TMOD3: variants seen among roughly 807,000 people sequenced by gnomAD.
TMOD3 encodes tropomodulin-3.
Under a neutral mutation model 39.2 loss-of-function variants are expected in TMOD3, and 20 were observed. The observed-to-expected ratio is 0.51, with a 90% CI of 0.36 to 0.74. The LOEUF (loss-of-function observed/expected upper bound fraction) is 0.74. Ranked by LOEUF, TMOD3 falls within the 30% of genes least tolerant of loss-of-function variation. The pLI is 0.00. For missense variants in TMOD3, 381 were observed against 412.8 expected (o/e 0.92, Z 0.67); for synonymous variants, 143 against 145.8 (o/e 0.98, Z 0.14).
intron 1 of TMOD3, among the ~76,000 whole-genome samples, chr15:51,846,341 A>T (rs2056335971): frequency 6.6e-6 from 1 of 152,120 alleles, no homozygotes; most frequent in Non-Finnish European, 1.5e-5. Context: ...AACAAAACAA[A>T]ACAAAAAACA....
chr15:51,831,832 C>A (rs2056256827), intron 1 of TMOD3, among the ~76,000 whole-genome samples: 1 of 151,866 alleles, frequency 6.6e-6, no homozygotes, highest in Admixed American at 6.6e-5. Context: ...ATGTGTCTTG[C>A]CCCATTCTGT....
At chr15:51,905,525 T>C (rs535812928) in intron 9 of TMOD3, among the ~76,000 whole-genome samples, 2 of 149,710 alleles carry the variant, frequency 1.3e-5, no homozygotes, top group Admixed American at 1.3e-4. Flanking sequence ...TAAGAGGGAG[T>C]GTTGGTAGAA....
rs570158959 is a variant in TMOD3, at chr15:51,904,674, T to C, written c.1024+2638T>C. ...CTTTGCAAGGCTTCAGCAGTTGTGCTTTTTTGTGAAGACTGTTTTGGTAGA... is the reference window on the plus strand; with the variant it reads ...CTTTGCAAGGCTTCAGCAGTTGTGCCTTTTTGTGAAGACTGTTTTGGTAGA... On this transcript the variant is annotated intron_variant, in intron 9 of 9. Transcript: ENST00000308580. Among the ~76,000 whole-genome samples, 18 of 152,302 alleles carry C rather than the reference T, an allele frequency of 1.2e-4. No individual in the cohort carries two copies. In the East Asian group the frequency reaches 3.5e-3, roughly 29 times the overall value.
At chr15:51,865,958 C>G (rs2554332) in intron 2 of TMOD3, among the ~76,000 whole-genome samples, 82,758 of 151,878 alleles carry the variant, frequency 0.54, 22,775 homozygotes, top group South Asian at 0.65. Flanking sequence ...TTTTTTCCCC[C>G]CCAAGGCTAG....
chr15:51,872,204 G>A (rs996060820), intron 3 of TMOD3, among the ~76,000 whole-genome samples: 1 of 152,136 alleles, frequency 6.6e-6, no homozygotes, highest in Non-Finnish European at 1.5e-5. Context: ...AGACCAGCCT[G>A]GCCAACATGG....
chr15:51,844,134 C>T (rs535133919), intron 1 of TMOD3, among the ~76,000 whole-genome samples: 1 of 152,230 alleles, frequency 6.6e-6, no homozygotes, highest in South Asian at 2.1e-4. Flanking sequence ...CTCCTGGGGT[C>T]CTCCTGGATA....
Position 51,893,940 on chromosome 15 carries a change from A to G in TMOD3, c.622A>G (p.Ile208Val), listed in dbSNP as rs375002752. Residue 208 changes from isoleucine (I) to valine (V), a missense_variant, in exon 6 of 10, where the codon ATA becomes GTA. Physicochemically the swap from Ile to Val is conservative, Grantham distance 29. Transcript: ENST00000308580. ...TCTTGTTGAAGTTAATTTGAATAAT[A>G]TAAAGGTAAGTGTGCTAATCAGAGT... The part of the protein sequence containing the change: ...AHLVEVNLNN[I>V]KNIPIPTLKD... 2 of 1,602,872 alleles carry G rather than the reference A, an allele frequency of 1.2e-6. No homozygotes were observed. Among genetic ancestry groups the G allele is most frequent in the Non-Finnish European group, 1.7e-6 (2 of 1,172,620 alleles).
rs1174940105 is a variant in TMOD3, at chr15:51,910,678, T to G, written c.*1868T>G. On this transcript the variant is annotated 3_prime_UTR_variant, in exon 10 of 10. Coordinates refer to ENST00000308580, the MANE Select transcript of TMOD3 (RefSeq NM_014547.5). Reference sequence around the variant, plus strand: ...ATCTAATAAGCAAGGCAGCTTCTTGTGTGCTATGGTAATAAGCCTTCTTAA... The same window carrying G: ...ATCTAATAAGCAAGGCAGCTTCTTGGGTGCTATGGTAATAAGCCTTCTTAA... The G allele has an allele frequency of 6.6e-6, 1 of 152,192 alleles. No individual in the cohort carries two copies. Among genetic ancestry groups the G allele is most frequent in the African/African-American group, 2.4e-5 (1 of 41,464 alleles). 9.4% of individuals were successfully genotyped at this position (152,192 alleles called of 1,614,324 possible).
At chr15:51,860,946 CAA>C (rs1456627210) in intron 1 of TMOD3, 1 of 477,778 alleles carries the variant, frequency 2.1e-6, no homozygotes, top group Non-Finnish European at 4.1e-6. Context: ...AAAAAACAAA[CAA>C]AAACCTACAT....
chr15:51,834,141 A>G (rs1307425080), intron 1 of TMOD3, among the ~76,000 whole-genome samples: 63 of 151,618 alleles, frequency 4.2e-4, no homozygotes, highest in Admixed American at 3.9e-3. Flanking sequence ...TCATCTTTTT[A>G]TTGTTTGTAG....
intron 3 of TMOD3, among the ~76,000 whole-genome samples, chr15:51,875,808 C>G (rs1039636553): frequency 4.0e-5 from 6 of 151,838 alleles, no homozygotes; most frequent in Admixed American, 3.9e-4. Flanking sequence ...TTAGTAGAGA[C>G]AGGGTTTCAC....
chr15:51,880,266 G>T (rs922297250), intron 3 of TMOD3, among the ~76,000 whole-genome samples: 5 of 151,890 alleles, frequency 3.3e-5, no homozygotes, highest in Admixed American at 3.3e-4. Flanking sequence ...ATTTACTGAA[G>T]ACCAAAAAAC....
chr15:51,893,371 G>T (rs1595909037), intron 5 of TMOD3, among the ~76,000 whole-genome samples: 1 of 150,236 alleles, frequency 6.7e-6, no homozygotes, highest in African/African-American at 2.4e-5. Flanking sequence ...TTTCGGAATT[G>T]TGGGGATGGA....
Position 51,908,915 on chromosome 15 carries a change from AT to A in TMOD3, c.*112del. The A allele has an allele frequency of 1.2e-5, 11 of 883,954 alleles. No homozygotes were observed. Among genetic ancestry groups the A allele is most frequent in the Admixed American group, 6.3e-5 (2 of 31,720 alleles). 54.8% of individuals were successfully genotyped at this position (883,954 alleles called of 1,614,324 possible). ...GGGTAGAAGGGAAAAGACTGGAAAA[AT>A]TTTTTTAGTGACATGCATTTTTTTT... On this transcript the variant is annotated 3_prime_UTR_variant, in exon 10 of 10. Coordinates refer to ENST00000308580, the MANE Select transcript of TMOD3 (RefSeq NM_014547.5).
chr15:51,897,630 A>C (rs1244890315), intron 7 of TMOD3, among the ~76,000 whole-genome samples: 1 of 151,072 alleles, frequency 6.6e-6, no homozygotes, highest in East Asian at 1.9e-4. Flanking sequence ...GATTACAGGC[A>C]TGCGCCACCA....
At chr15:51,882,083 C>T (rs1415900278) in intron 3 of TMOD3, among the ~76,000 whole-genome samples, 2 of 151,724 alleles carry the variant, frequency 1.3e-5, no homozygotes, top group East Asian at 2.0e-4. Flanking sequence ...TTAGTAGAGG[C>T]GTGGTGTCAC....
At chr15:51,857,701 C>G (rs2056395140) in intron 1 of TMOD3, among the ~76,000 whole-genome samples, 1 of 151,630 alleles carries the variant, frequency 6.6e-6, no homozygotes, top group South Asian at 2.1e-4. Context: ...GGCTTATGTA[C>G]TGAAAATTTC....
At chr15:51,840,089 A>G (rs62016189) in intron 1 of TMOD3, among the ~76,000 whole-genome samples, 4,961 of 152,270 alleles carry the variant, frequency 0.033, 112 homozygotes, top group Non-Finnish European at 0.052. Context: ...AGTGCTCACA[A>G]TCTATGGTGG....
intron 8 of TMOD3, chr15:51,901,493 G>A (rs74013616): frequency 2.6e-4 from 42 of 161,526 alleles, no homozygotes; most frequent in African/African-American, 9.1e-4. Flanking sequence ...ATCCTAGTGG[G>A]TATGAAGTGA....
Sources: gnomAD v4.1 joint callset for allele counts (sites outside exome capture counted in the v4.1 genomes callset) on GRCh38, gnomAD v4.1.1 for gene constraint, MANE v1.5 for transcripts, NCBI Gene and HGNC (gene_info 2026-07-23, HGNC 2026-07-21) for gene names.